The following MEI4 variants were observed in gnomAD, a reference collection of about 807,000 sequenced individuals.
MEI4 encodes the protein meiotic double-stranded break formation protein 4.
Under a neutral mutation model 31.4 loss-of-function variants are expected in MEI4, and 27 were observed. That is an observed-to-expected ratio of 0.86 (90% CI 0.63 to 1.19). MEI4 has a LOEUF of 1.19. Among genes scored for constraint, MEI4 ranks in the 50% most tolerant of loss-of-function variants. The pLI is 0.00. For missense variants in MEI4, 329 were observed against 398.9 expected (o/e 0.82, Z 1.49); for synonymous variants, 122 against 145.4 (o/e 0.84, Z 1.16).
rs1367470111 is a variant in MEI4, at chr6:77,804,939, T to C, written c.769-23992T>C. On this transcript the variant is annotated intron_variant, in intron 3 of 4. Coordinates refer to ENST00000684080, the MANE Select transcript of MEI4 (RefSeq NM_001322247.2). Reference sequence around the variant, plus strand: ...TATGACAAATATATTTTATGGGGCATTGGATTTTGTTCAGCAGGTTTTATC... The same window carrying C: ...TATGACAAATATATTTTATGGGGCACTGGATTTTGTTCAGCAGGTTTTATC... Among the ~76,000 whole-genome samples, 10 of 152,312 alleles carry C rather than the reference T, an allele frequency of 6.6e-5. No homozygotes were observed. In the South Asian group the frequency reaches 1.9e-3, roughly 28 times the overall value.
intron 3 of MEI4, among the ~76,000 whole-genome samples, chr6:77,784,222 TACAC>T (rs1241305211): frequency 3.3e-5 from 5 of 152,158 alleles, no homozygotes; most frequent in Admixed American, 3.3e-4. Context: ...TCAGAATAAA[TACAC>T]ACACCAATAA....
chr6:77,848,368 G>A (rs1189605231), intron 4 of MEI4, among the ~76,000 whole-genome samples: 1 of 152,148 alleles, frequency 6.6e-6, no homozygotes, highest in Non-Finnish European at 1.5e-5. Flanking sequence ...ACAGGGCAAG[G>A]GAATCATTTC....
chr6:77,678,213 TA>T (rs1473268495), intron 1 of MEI4, among the ~76,000 whole-genome samples: 1 of 152,214 alleles, frequency 6.6e-6, no homozygotes. Flanking sequence ...AATTGCGTAA[TA>T]CAAATGGCAT....
chr6:77,696,394 T>C (rs990892859), intron 2 of MEI4, among the ~76,000 whole-genome samples: 1 of 152,210 alleles, frequency 6.6e-6, no homozygotes, highest in Admixed American at 6.5e-5. Context: ...TGATATTGGC[T>C]GTGGGATTCT....
intron 4 of MEI4, among the ~76,000 whole-genome samples, chr6:77,852,981 C>T (rs1173437783): frequency 6.6e-6 from 1 of 152,196 alleles, no homozygotes; most frequent in African/African-American, 2.4e-5. Flanking sequence ...GGCGGATCAC[C>T]TGAGGTCGGG....
At position 77,695,529 on chromosome 6, in the gene MEI4, C is replaced by A. The variant is rs9443445; in HGVS notation, c.232+4626C>A. Among the ~76,000 whole-genome samples, 1,057 of 152,204 alleles carry A rather than the reference C, an allele frequency of 6.9e-3. 12 individuals carry two copies. Among genetic ancestry groups the A allele is most frequent in the African/African-American group, 0.024 (997 of 41,512 alleles). On this transcript the variant is annotated intron_variant, in intron 2 of 4. Coordinates refer to ENST00000684080, the MANE Select transcript of MEI4 (RefSeq NM_001322247.2). Reference sequence around the variant, plus strand: ...TATTTATTAAATAGGGAATCCTTTCCCCAATGCTTGTTTTTGTCAGGTTTG... The same window carrying A: ...TATTTATTAAATAGGGAATCCTTTCACCAATGCTTGTTTTTGTCAGGTTTG...
chr6:77,672,871 G>A (rs1002990674), intron 1 of MEI4, among the ~76,000 whole-genome samples: 3 of 152,148 alleles, frequency 2.0e-5, no homozygotes, highest in Non-Finnish European at 4.4e-5. Context: ...GGATATATAT[G>A]TTTTGGAAGA....
At chr6:77,749,211 C>T (rs534336184) in intron 2 of MEI4, among the ~76,000 whole-genome samples, 98 of 152,296 alleles carry the variant, frequency 6.4e-4, no homozygotes, top group Non-Finnish European at 1.2e-3. Flanking sequence ...AACACCTCTT[C>T]TCCTCCAAAG....
intron 3 of MEI4, among the ~76,000 whole-genome samples, chr6:77,776,298 C>A (rs1246942678): frequency 3.3e-5 from 5 of 151,814 alleles, no homozygotes; most frequent in Non-Finnish European, 2.9e-5. Flanking sequence ...GCTTACTATA[C>A]CTAACCAGTA....
At chr6:77,741,850 A>G (rs934301723) in intron 2 of MEI4, among the ~76,000 whole-genome samples, 2 of 137,660 alleles carry the variant, frequency 1.5e-5, no homozygotes, top group Admixed American at 8.4e-5. Flanking sequence ...ATTCCCACCT[A>G]TGAGTGAGAA....
At chr6:77,916,966 T>A (rs1766572778) in intron 4 of MEI4, among the ~76,000 whole-genome samples, 1 of 133,672 alleles carries the variant, frequency 7.5e-6, no homozygotes, top group Non-Finnish European at 1.6e-5. Context: ...TTCCCCTTCC[T>A]GTGTCCGTGT....
intron 3 of MEI4, among the ~76,000 whole-genome samples, chr6:77,799,802 G>A (rs983644534): frequency 3.9e-5 from 6 of 152,104 alleles, no homozygotes; most frequent in Non-Finnish European, 7.3e-5. Flanking sequence ...TCAGATAGTT[G>A]TAGATATGCA....
intron 2 of MEI4, among the ~76,000 whole-genome samples, chr6:77,703,330 G>T (rs1432241285): frequency 6.6e-6 from 1 of 152,096 alleles, no homozygotes; most frequent in African/African-American, 2.4e-5. Context: ...AGTAAAGTAG[G>T]GTGAGTATTA....
At chr6:77,838,628 G>A (rs768575296) in intron 4 of MEI4, among the ~76,000 whole-genome samples, 11 of 152,168 alleles carry the variant, frequency 7.2e-5, no homozygotes, top group African/African-American at 2.2e-4. Context: ...CTGGCTGGGC[G>A]CGGTGGCTCA....
chr6:77,661,023 G>A (rs1368347262), intron 1 of MEI4, among the ~76,000 whole-genome samples: 2 of 152,142 alleles, frequency 1.3e-5, no homozygotes, highest in African/African-American at 2.4e-5. Context: ...TAGTCGCCTA[G>A]AGGGCTGGTG....
intron 2 of MEI4, among the ~76,000 whole-genome samples, chr6:77,739,927 G>A (rs1049261615): frequency 3.9e-5 from 6 of 152,102 alleles, no homozygotes; most frequent in African/African-American, 7.2e-5. Context: ...ACTTTCTGAT[G>A]TGGATGTTTA....
intron 3 of MEI4, among the ~76,000 whole-genome samples, chr6:77,806,654 T>C (rs1398577): frequency 0.23 from 34,564 of 152,020 alleles, 4,693 homozygotes; most frequent in African/African-American, 0.38. Context: ...CATGGAGTTG[T>C]GCAGGAAATA....
At chr6:77,829,900 T>G (rs1232805842) in intron 4 of MEI4, among the ~76,000 whole-genome samples, 3 of 152,140 alleles carry the variant, frequency 2.0e-5, no homozygotes, top group Non-Finnish European at 4.4e-5. Flanking sequence ...AAAAATATTA[T>G]GCAATCTAAT....
chr6:77,916,427 T>C (rs766939240), intron 4 of MEI4, among the ~76,000 whole-genome samples: 25 of 152,116 alleles, frequency 1.6e-4, no homozygotes, highest in Non-Finnish European at 3.1e-4. Context: ...TTCCTAAAGA[T>C]AATTCCATTA....
Sources: gnomAD v4.1 joint callset for allele counts (sites outside exome capture counted in the v4.1 genomes callset) on GRCh38, gnomAD v4.1.1 for gene constraint, MANE v1.5 for transcripts, NCBI Gene and HGNC (gene_info 2026-07-23, HGNC 2026-07-21) for gene names.